RFX4: variants seen among roughly 807,000 people sequenced by gnomAD.
The protein encoded by RFX4 is transcription factor RFX4.
RFX4 carries 10 observed loss-of-function variants against 95.0 expected under a neutral mutation model. The ratio of observed to expected loss-of-function variants is 0.11; its 90% CI spans 0.06 to 0.18. The LOEUF is 0.18. Among genes scored for constraint, RFX4 ranks in the 10% least tolerant of loss-of-function variants. The probability of loss-of-function intolerance (pLI) is 1.00; values close to 1 mark genes in which losing one functional copy is unlikely to be tolerated. For synonymous variants in RFX4, 321 were observed against 340.7 expected, an observed-to-expected ratio of 0.94 and a Z score of 0.64; for missense variants, 640 against 922.0, an observed-to-expected ratio of 0.69 and a Z score of 3.96.
chr12:106,735,612 G>C (rs2042695531), intron 15 of RFX4, among the ~76,000 whole-genome samples: 1 of 152,104 alleles, frequency 6.6e-6, no homozygotes, highest in Admixed American at 6.5e-5. Flanking sequence ...CCATACTTTT[G>C]AAGTGTAAAG....
intron 15 of RFX4, among the ~76,000 whole-genome samples, chr12:106,744,711 C>T (rs2042861888): frequency 6.6e-6 from 1 of 152,192 alleles, no homozygotes; most frequent in Non-Finnish European, 1.5e-5. Context: ...CAAAGAGACA[C>T]AACGGTAGAG....
chr12:106,715,250 T>C, intron 10 of RFX4, 150 bp from the exon 11 acceptor site: 2 of 810,346 alleles, frequency 2.5e-6, no homozygotes, highest in Non-Finnish European at 3.8e-6. Flanking sequence ...TTACAGAGTC[T>C]TCTGGTGCTT....
intron 11 of RFX4, among the ~76,000 whole-genome samples, chr12:106,718,503 G>A (rs748930049): frequency 1.3e-5 from 2 of 152,158 alleles, no homozygotes; most frequent in South Asian, 2.1e-4. Context: ...GATAATAATC[G>A]TACCAACCTC....
intron 15 of RFX4, among the ~76,000 whole-genome samples, chr12:106,735,263 G>T (rs1244875173): frequency 6.6e-6 from 1 of 152,038 alleles, no homozygotes; most frequent in Non-Finnish European, 1.5e-5. Flanking sequence ...AAAAGAAATA[G>T]TAAGTATAAA....
intron 8 of RFX4, among the ~76,000 whole-genome samples, chr12:106,704,065 C>CAAAAA (rs34213070): frequency 1.2e-4 from 5 of 40,958 alleles, no homozygotes; most frequent in East Asian, 6.0e-4. Context: ...GACACTGTCT[C>CAAAAA]AAAAAAAAAA....
At chr12:106,598,124 C>A (rs1020636535) in intron 1 of RFX4, among the ~76,000 whole-genome samples, 1 of 152,070 alleles carries the variant, frequency 6.6e-6, no homozygotes, top group Non-Finnish European at 1.5e-5. Context: ...TGATTCATTG[C>A]GCTAGTAAGT....
rs142450295 is a variant in RFX4, at chr12:106,692,628, C to T, written c.669+3264C>T. ...CTTCACTGAGCTGAGAGACAAAGGG[C>T]CGAGAGTTCAGAAGATTGAAACAGA... On this transcript the variant is annotated intron_variant, in intron 7 of 17. Transcript: ENST00000392842. 4.6e-5 allele frequency among the ~76,000 whole-genome samples: 7 copies of T among 152,228 alleles called. No homozygotes were observed. In the East Asian group the frequency reaches 1.4e-3, roughly 29 times the overall value.
chr12:106,652,375 G>A (rs2040871086), intron 3 of RFX4, among the ~76,000 whole-genome samples: 1 of 152,162 alleles, frequency 6.6e-6, no homozygotes, highest in African/African-American at 2.4e-5. Context: ...CGCCTGGCAG[G>A]TGATAAGATC....
chr12:106,668,073 C>T (rs943238224), intron 4 of RFX4, among the ~76,000 whole-genome samples: 6 of 152,122 alleles, frequency 3.9e-5, no homozygotes, highest in African/African-American at 1.4e-4. Context: ...AATTAGTGGT[C>T]TTACTTTTCT....
At chr12:106,746,917 T>C (rs776883743) in intron 15 of RFX4, among the ~76,000 whole-genome samples, 3 of 152,206 alleles carry the variant, frequency 2.0e-5, no homozygotes, top group Non-Finnish European at 4.4e-5. Context: ...AAAATTTTTA[T>C]TGAGTGTTTT....
At chr12:106,595,874 T>C (rs2039610361) in intron 1 of RFX4, among the ~76,000 whole-genome samples, 1 of 152,168 alleles carries the variant, frequency 6.6e-6, no homozygotes, top group Admixed American at 6.5e-5. Context: ...AGGTAACCTC[T>C]CTGAGCCTCA....
intron 13 of RFX4, among the ~76,000 whole-genome samples, chr12:106,722,344 G>T (rs57769063): frequency 1.3e-4 from 20 of 152,238 alleles, no homozygotes; most frequent in Non-Finnish European, 2.5e-4. Context: ...TCTTCAATTT[G>T]CTTATTCTTA....
intron 4 of RFX4, among the ~76,000 whole-genome samples, chr12:106,675,487 G>C (rs1190976327): frequency 6.6e-6 from 1 of 151,996 alleles, no homozygotes; most frequent in Non-Finnish European, 1.5e-5. Context: ...TACATTTTAA[G>C]TGTTCTCACC....
intron 15 of RFX4, among the ~76,000 whole-genome samples, chr12:106,746,427 G>C (rs2042896846): frequency 6.6e-6 from 1 of 151,720 alleles, no homozygotes; most frequent in African/African-American, 2.4e-5. Context: ...AACTACTTGG[G>C]AGGCTAAGGG....
chr12:106,700,469 C>T (rs557408504), intron 8 of RFX4, among the ~76,000 whole-genome samples: 69 of 143,084 alleles, frequency 4.8e-4, no homozygotes, highest in Non-Finnish European at 8.1e-4. Flanking sequence ...TGCAGTGGCG[C>T]GATCTCGGCT....
chr12:106,709,271 C>A, intron 8 of RFX4, 59 bp from the exon 9 acceptor site: 1 of 1,351,546 alleles, frequency 7.4e-7, no homozygotes, highest in Non-Finnish European at 1.0e-6. Context: ...CCTCTAGGGG[C>A]CTGTGGGAGG....
chr12:106,738,193 C>T (rs2042747198), intron 15 of RFX4, among the ~76,000 whole-genome samples: 1 of 152,194 alleles, frequency 6.6e-6, no homozygotes, highest in Non-Finnish European at 1.5e-5. Flanking sequence ...GGGAGACACA[C>T]ACGAGTCTGC....
At chr12:106,669,305 A>T (rs1200163922) in intron 4 of RFX4, among the ~76,000 whole-genome samples, 1 of 152,212 alleles carries the variant, frequency 6.6e-6, no homozygotes, top group Non-Finnish European at 1.5e-5. Context: ...GACTGGAGAA[A>T]GGGAAGCTGA....
chr12:106,621,805 T>C (rs765619225), intron 2 of RFX4, among the ~76,000 whole-genome samples: 4 of 148,890 alleles, frequency 2.7e-5, no homozygotes, highest in Non-Finnish European at 6.1e-5. Flanking sequence ...GAAAGATCTT[T>C]CGGGAAAGAT....
Sources: allele counts gnomAD v4.1 joint callset (sites outside exome capture counted in the v4.1 genomes callset), GRCh38; gene constraint gnomAD v4.1.1; transcripts MANE v1.5; gene names NCBI Gene and HGNC (gene_info 2026-07-23, HGNC 2026-07-21).